The following BCKDHB variants were observed in gnomAD, a reference collection of about 807,000 sequenced individuals.
BCKDHB encodes the protein 2-oxoisovalerate dehydrogenase subunit beta, mitochondrial.
Under a neutral mutation model 48.5 loss-of-function variants are expected in BCKDHB, and 41 were observed. The observed-to-expected ratio is 0.85, with a 90% CI of 0.66 to 1.10. The LOEUF (loss-of-function observed/expected upper bound fraction) is 1.10. BCKDHB is among the 50% of genes least tolerant of loss of function. BCKDHB has a pLI of 0.00. For synonymous variants in BCKDHB, 201 were observed against 174.8 expected, an observed-to-expected ratio of 1.15 and a Z score of -1.18; for missense variants, 496 against 494.2, an observed-to-expected ratio of 1.00 and a Z score of -0.03.
intron 8 of BCKDHB, among the ~76,000 whole-genome samples, chr6:80,229,678 T>C (rs543346422): frequency 6.1e-4 from 93 of 152,188 alleles, no homozygotes; most frequent in African/African-American, 2.1e-3. Context: ...GCTTTTGAAA[T>C]CTAGAAGACT....
chr6:80,459,618 T>C, the BCKDHB span, among the ~76,000 whole-genome samples: 17 of 151,152 alleles, frequency 1.1e-4, no homozygotes, highest in Admixed American at 3.3e-4. Flanking sequence ...GTAGATATTA[T>C]ATTAAATGTT....
the BCKDHB span, among the ~76,000 whole-genome samples, chr6:80,437,159 A>G: frequency 6.6e-6 from 1 of 152,194 alleles, no homozygotes; most frequent in African/African-American, 2.4e-5. Context: ...CTGTCTCAGA[A>G]GTGTTCATCT....
chr6:80,302,815 G>T (rs1767655873), intron 9 of BCKDHB, among the ~76,000 whole-genome samples: 1 of 152,092 alleles, frequency 6.6e-6, no homozygotes, highest in Non-Finnish European at 1.5e-5. Context: ...ATGAAGTTTT[G>T]CTGAGACAAA....
intron 6 of BCKDHB, among the ~76,000 whole-genome samples, chr6:80,177,817 C>G (rs1322285808): frequency 6.6e-6 from 1 of 152,182 alleles, no homozygotes; most frequent in Non-Finnish European, 1.5e-5. Context: ...TAAAGGTAGG[C>G]ATCAACAAGT....
intron 9 of BCKDHB, among the ~76,000 whole-genome samples, chr6:80,324,811 C>T (rs1040805152): frequency 6.6e-6 from 1 of 152,164 alleles, no homozygotes; most frequent in Admixed American, 6.5e-5. Flanking sequence ...GGCCATATGG[C>T]TCCAGCAGTT....
At chr6:80,427,772 T>C in the BCKDHB span, among the ~76,000 whole-genome samples, 9 of 152,326 alleles carry the variant, frequency 5.9e-5, no homozygotes, top group East Asian at 1.5e-3. Flanking sequence ...TCTTTGAAGA[T>C]GTTATACCAC....
the BCKDHB span, among the ~76,000 whole-genome samples, chr6:80,434,873 G>A: frequency 6.6e-6 from 1 of 152,188 alleles, no homozygotes; most frequent in Non-Finnish European, 1.5e-5. Flanking sequence ...GCTTTGGGCA[G>A]TTTCCTTTTA....
At chr6:80,242,649 A>G (rs1776436572) in intron 8 of BCKDHB, among the ~76,000 whole-genome samples, 1 of 152,130 alleles carries the variant, frequency 6.6e-6, no homozygotes, top group South Asian at 2.1e-4. Context: ...ACATCATGGC[A>G]ATATTGATTA....
At chr6:80,338,936 G>A (rs1769746385) in intron 9 of BCKDHB, among the ~76,000 whole-genome samples, 1 of 152,026 alleles carries the variant, frequency 6.6e-6, no homozygotes, top group Non-Finnish European at 1.5e-5. Flanking sequence ...AGTCACAATG[G>A]AACAAAGATC....
At chr6:80,221,996 T>C (rs1475517661) in intron 8 of BCKDHB, among the ~76,000 whole-genome samples, 2 of 152,198 alleles carry the variant, frequency 1.3e-5, no homozygotes, top group African/African-American at 4.8e-5. Flanking sequence ...GGGGTACACA[T>C]GCGTGTTTGT....
At chr6:80,187,003 G>A (rs1773673124) in intron 6 of BCKDHB, among the ~76,000 whole-genome samples, 1 of 152,172 alleles carries the variant, frequency 6.6e-6, no homozygotes, top group Non-Finnish European at 1.5e-5. Context: ...TTCTTTCAAA[G>A]TAAGTAGCCT....
chr6:80,255,021 C>G (rs114587214), intron 8 of BCKDHB, among the ~76,000 whole-genome samples: 1,923 of 152,282 alleles, frequency 0.013, 36 homozygotes, highest in African/African-American at 0.044. Flanking sequence ...TAGAACAATG[C>G]TTTCTTTGGG....
chr6:80,323,211 T>G (rs914791940), intron 9 of BCKDHB, among the ~76,000 whole-genome samples: 2 of 152,164 alleles, frequency 1.3e-5, no homozygotes, highest in Non-Finnish European at 2.9e-5. Context: ...GTATGCTCCA[T>G]AGGTGTTAGC....
At chr6:80,416,592 A>C in the BCKDHB span, among the ~76,000 whole-genome samples, 2 of 151,914 alleles carry the variant, frequency 1.3e-5, 1 homozygote, top group South Asian at 4.1e-4. Context: ...TATGGTTTTG[A>C]GTAAATTTCT....
intron 9 of BCKDHB, among the ~76,000 whole-genome samples, chr6:80,292,136 C>T (rs1162259714): frequency 6.6e-6 from 1 of 152,260 alleles, no homozygotes; most frequent in African/African-American, 2.4e-5. Context: ...TGTACAGGAA[C>T]TGTGTAGACA....
At chr6:80,443,621 A>T in the BCKDHB span, 1 of 152,152 alleles carries the variant, frequency 6.6e-6, no homozygotes, top group South Asian at 2.1e-4. Flanking sequence ...TCACTAAGCA[A>T]GTTTTCTATA....
At chr6:80,277,438 G>T (rs1778010471) in intron 9 of BCKDHB, among the ~76,000 whole-genome samples, 1 of 151,902 alleles carries the variant, frequency 6.6e-6, no homozygotes, top group Non-Finnish European at 1.5e-5. Flanking sequence ...ATAGTTTATG[G>T]TATTTTGGCT....
At chr6:80,140,055 T>C (rs1771110606) in intron 3 of BCKDHB, among the ~76,000 whole-genome samples, 1 of 152,234 alleles carries the variant, frequency 6.6e-6, no homozygotes, top group African/African-American at 2.4e-5. Context: ...TATTTTATTC[T>C]CTTTGAAGCA....
the BCKDHB span, chr6:80,443,253 T>A: frequency 7.9e-5 from 12 of 152,264 alleles, no homozygotes; most frequent in East Asian, 1.7e-3. Context: ...TTAATATATC[T>A]TCCTTATAGA....
Sources: gnomAD v4.1 joint callset for allele counts (sites outside exome capture counted in the v4.1 genomes callset) on GRCh38, gnomAD v4.1.1 for gene constraint, MANE v1.5 for transcripts, NCBI Gene and HGNC (gene_info 2026-07-23, HGNC 2026-07-21) for gene names.